CCDC13: variants seen among roughly 807,000 people sequenced by gnomAD.
CCDC13 encodes coiled-coil domain-containing protein 13.
CCDC13 carries 70 observed loss-of-function variants against 87.3 expected under a neutral mutation model. That is an observed-to-expected ratio of 0.80 (90% CI 0.66 to 0.98). The LOEUF (loss-of-function observed/expected upper bound fraction) is 0.98, where lower values mean the gene tolerates loss of function less well. Among genes scored for constraint, CCDC13 ranks in the 50% least tolerant of loss-of-function variants. The pLI is 0.00. For missense variants in CCDC13, 842 were observed against 892.0 expected, an observed-to-expected ratio of 0.94 and a Z score of 0.71; for synonymous variants, 317 against 360.3, an observed-to-expected ratio of 0.88 and a Z score of 1.36.
intron 9 of CCDC13, among the ~76,000 whole-genome samples, chr3:42,736,220 T>G (rs1401103765): frequency 6.6e-6 from 1 of 152,106 alleles, no homozygotes; most frequent in East Asian, 1.9e-4. Context: ...GGGGAGATAT[T>G]TAGCTAAAAG....
chr3:42,758,799 T>C (rs11915803), intron 1 of CCDC13, among the ~76,000 whole-genome samples: 32,767 of 152,064 alleles, frequency 0.22, 4,087 homozygotes, highest in Non-Finnish European at 0.28. Flanking sequence ...TGCAATAAAG[T>C]ACATAAATCC....
intron 5 of CCDC13, among the ~76,000 whole-genome samples, chr3:42,751,712 T>C (rs552629740): frequency 1.3e-5 from 2 of 152,362 alleles, no homozygotes; most frequent in East Asian, 1.9e-4. Flanking sequence ...ACACCCTCCA[T>C]AGCTTCCGAC....
intron 8 of CCDC13, among the ~76,000 whole-genome samples, chr3:42,742,230 A>C (rs972612010): frequency 6.6e-6 from 1 of 152,222 alleles, no homozygotes; most frequent in African/African-American, 2.4e-5. Flanking sequence ...GGCTAGACCA[A>C]AGACACTCAA....
chr3:42,710,712 C>G (rs1474788106), intron 14 of CCDC13, among the ~76,000 whole-genome samples: 1 of 152,080 alleles, frequency 6.6e-6, no homozygotes, highest in Non-Finnish European at 1.5e-5. Flanking sequence ...GCATGCACCT[C>G]AAGACTAGTC....
rs183257754 is a variant in CCDC13, at chr3:42,708,751, G to A, written c.*229C>T. ...TGGGCTGCTGGGCCTCCCTGCTGCT[G>A]TAACCCAGCCAGCCCAGGGTCTCCT... On this transcript the variant is annotated 3_prime_UTR_variant, in exon 16 of 16. Transcript: ENST00000310232. 8.0e-4 allele frequency: 353 copies of A among 442,888 alleles called. 2 individuals are homozygous for A. Among genetic ancestry groups the A allele is most frequent in the African/African-American group, 6.4e-3 (313 of 48,984 alleles). The allele number at this position is 442,888 out of a possible 1,614,324, so 27.4% of individuals were successfully genotyped here.
At chr3:42,747,422 G>C (rs12490743) in intron 5 of CCDC13, 49 bp from the exon 6 acceptor site, 228,835 of 1,247,144 alleles carry the variant, frequency 0.18, 21,739 homozygotes, top group Middle Eastern at 0.26. Context: ...GCCTACATGG[G>C]AATAGTAATC....
intron 8 of CCDC13, among the ~76,000 whole-genome samples, chr3:42,742,195 G>A (rs1018459152): frequency 1.3e-5 from 2 of 152,154 alleles, no homozygotes; most frequent in Non-Finnish European, 2.9e-5. Flanking sequence ...TACAGTGATG[G>A]GCTCAAGGAT....
intron 13 of CCDC13, chr3:42,719,198 TG>T (rs1456622684): frequency 2.0e-5 from 3 of 152,110 alleles, no homozygotes; most frequent in Non-Finnish European, 2.9e-5. Context: ...TACAGGACTG[TG>T]GGACATGGGG....
intron 1 of CCDC13, among the ~76,000 whole-genome samples, chr3:42,772,651 AGGGATGGGTTT>A (rs1700157412): frequency 6.6e-6 from 1 of 152,208 alleles, no homozygotes; most frequent in African/African-American, 2.4e-5. Flanking sequence ...GCATCTTCGT[AGGGATGGGTTT>A]GGGATGGGAG....
At chr3:42,717,821 G>A (rs1001863350) in intron 13 of CCDC13, 5 of 152,194 alleles carry the variant, frequency 3.3e-5, no homozygotes, top group Admixed American at 2.0e-4. Flanking sequence ...CAGGTTGTTA[G>A]CAGAAGTTAG....
chr3:42,737,136 TCCCA>T (rs1051638754), intron 9 of CCDC13, among the ~76,000 whole-genome samples: 1 of 152,078 alleles, frequency 6.6e-6, no homozygotes, highest in African/African-American at 2.4e-5. Context: ...ATTGTTCAAT[TCCCA>T]CCTATGAGTG....
intron 6 of CCDC13, 182 bp from the exon 7 acceptor site, chr3:42,746,209 T>C (rs1699390974): frequency 1.6e-5 from 9 of 579,398 alleles, no homozygotes; most frequent in South Asian, 8.6e-5. Flanking sequence ...CCTGGGAAAG[T>C]AGTAAACCCA....
At chr3:42,756,400 G>A (rs1699704555) in intron 3 of CCDC13, among the ~76,000 whole-genome samples, 1 of 152,102 alleles carries the variant, frequency 6.6e-6, no homozygotes, top group African/African-American at 2.4e-5. Context: ...GTCCTCACCA[G>A]ACTCATGGGG....
chr3:42,773,186 C>G lies in CCDC13; in HGVS notation c.-17G>C, dbSNP rs909254279. ...CTCCCCGGCACTTACAGCGGTCTCTCTCCACTTCTCCCTTCTAGGACCGCG... is the reference window on the plus strand; with the variant it reads ...CTCCCCGGCACTTACAGCGGTCTCTGTCCACTTCTCCCTTCTAGGACCGCG... On this transcript the variant is annotated 5_prime_UTR_variant, in exon 1 of 16. Transcript: ENST00000310232. 1 of 152,264 alleles carries G rather than the reference C, an allele frequency of 6.6e-6. No homozygotes were observed. The highest frequency in any genetic ancestry group is 1.5e-5 in the Non-Finnish European group (1 of 68,072). The allele number at this position is 152,264 out of a possible 1,614,324, so 9.4% of individuals were successfully genotyped here.
chr3:42,764,948 A>G (rs1011747206), intron 1 of CCDC13, among the ~76,000 whole-genome samples: 2 of 152,158 alleles, frequency 1.3e-5, no homozygotes, highest in Non-Finnish European at 2.9e-5. Flanking sequence ...CTAAATCTCA[A>G]CATCTTGCCC....
chr3:42,767,345 G>T (rs547038026), intron 1 of CCDC13, among the ~76,000 whole-genome samples: 2 of 152,162 alleles, frequency 1.3e-5, no homozygotes, highest in South Asian at 4.1e-4. Context: ...GAAATACTTA[G>T]GTATAAATCT....
At chr3:42,769,002 G>A (rs946427038) in intron 1 of CCDC13, among the ~76,000 whole-genome samples, 5 of 151,736 alleles carry the variant, frequency 3.3e-5, no homozygotes, top group African/African-American at 7.2e-5. Flanking sequence ...GCTGGGCGTG[G>A]TGGCAGGAGC....
chr3:42,735,976 G>A, intron 9 of CCDC13, 63 bp from the exon 10 acceptor site: 2 of 1,484,656 alleles, frequency 1.3e-6, no homozygotes, highest in East Asian at 2.4e-5. Flanking sequence ...GGGAGGACAA[G>A]AACAGACTGC....
At chr3:42,758,093 ACACC>A (rs1217796374) in intron 2 of CCDC13, 28 bp downstream of exon 2, 1 of 1,500,444 alleles carries the variant, frequency 6.7e-7, no homozygotes. Context: ...ACACACACAC[ACACC>A]CCTGAGAGAT....
Sources: gnomAD v4.1 joint callset for allele counts (sites outside exome capture counted in the v4.1 genomes callset) on GRCh38, gnomAD v4.1.1 for gene constraint, MANE v1.5 for transcripts, NCBI Gene and HGNC (gene_info 2026-07-23, HGNC 2026-07-21) for gene names.